FBXL13: variants seen among roughly 807,000 people sequenced by gnomAD.
The protein encoded by FBXL13 is F-box and leucine rich repeat protein 13.
Under a neutral mutation model 83.6 loss-of-function variants are expected in FBXL13, and 67 were observed. The observed-to-expected ratio is 0.80, with a 90% CI of 0.66 to 0.98. The LOEUF (loss-of-function observed/expected upper bound fraction) is 0.98. Ranked by LOEUF, FBXL13 falls within the 50% of genes least tolerant of loss-of-function variation. The probability of loss-of-function intolerance (pLI) is 0.00; values close to 1 mark genes in which losing one functional copy is unlikely to be tolerated. For synonymous variants in FBXL13, 272 were observed against 299.5 expected (o/e 0.91, Z 0.95); for missense variants, 822 against 866.5 (o/e 0.95, Z 0.64).
At chr7:102,901,775 T>A (rs1240005523) in intron 11 of FBXL13, among the ~76,000 whole-genome samples, 1 of 152,252 alleles carries the variant, frequency 6.6e-6, no homozygotes, top group Non-Finnish European at 1.5e-5. Flanking sequence ...CATGCTTTTT[T>A]ATGGCTGAAT....
At chr7:102,965,632 T>C (rs1290658391) in intron 7 of FBXL13, among the ~76,000 whole-genome samples, 1 of 152,246 alleles carries the variant, frequency 6.6e-6, no homozygotes, top group Non-Finnish European at 1.5e-5. Context: ...CTGGCGCTTA[T>C]GTACTATTTT....
intron 6 of FBXL13, chr7:102,988,939 G>A (rs1829283997): frequency 6.6e-6 from 1 of 152,166 alleles, no homozygotes; most frequent in South Asian, 2.1e-4. Context: ...AGGGTATGAA[G>A]AGATCCAGGC....
chr7:102,883,031 A>T (rs1345435723), intron 14 of FBXL13, among the ~76,000 whole-genome samples: 1 of 152,064 alleles, frequency 6.6e-6, no homozygotes, highest in Non-Finnish European at 1.5e-5. Flanking sequence ...AACCCTCAAT[A>T]GGAAAGGTAG....
chr7:102,865,044 C>A (rs1357076738), intron 16 of FBXL13, among the ~76,000 whole-genome samples: 1 of 152,154 alleles, frequency 6.6e-6, no homozygotes, highest in Non-Finnish European at 1.5e-5. Context: ...TACCTTGAGA[C>A]CAGTACTCTT....
chr7:102,981,851 T>C (rs1828268445), intron 6 of FBXL13, among the ~76,000 whole-genome samples: 1 of 152,188 alleles, frequency 6.6e-6, no homozygotes. Context: ...CGTCTGAGTT[T>C]TGCGGGACAT....
intron 8 of FBXL13, among the ~76,000 whole-genome samples, chr7:102,960,890 CAAA>C (rs1825083779): frequency 1.3e-5 from 2 of 151,964 alleles, no homozygotes; most frequent in Non-Finnish European, 2.9e-5. Context: ...ACTGAATGGG[CAAA>C]CACTGGAAGC....
intron 6 of FBXL13, chr7:102,975,879 C>T: frequency 1.4e-6 from 1 of 729,906 alleles, no homozygotes; most frequent in Non-Finnish European, 2.5e-6. Flanking sequence ...AAATGCTTGC[C>T]TCCTCCATCA....
intron 8 of FBXL13, chr7:102,933,876 C>G (rs922478968): frequency 2.6e-6 from 4 of 1,544,036 alleles, no homozygotes; most frequent in Admixed American, 4.0e-5. Flanking sequence ...ATTGTTCCGT[C>G]TGTAACACGA....
intron 6 of FBXL13, among the ~76,000 whole-genome samples, chr7:102,977,921 G>A (rs923362777): frequency 7.9e-5 from 12 of 152,106 alleles, no homozygotes; most frequent in Non-Finnish European, 1.3e-4. Flanking sequence ...CACAGGAAGG[G>A]GAACATCACA....
chr7:103,034,128 G>A (rs1377284373), intron 2 of FBXL13, among the ~76,000 whole-genome samples: 1 of 152,218 alleles, frequency 6.6e-6, no homozygotes, highest in Non-Finnish European at 1.5e-5. Context: ...CCCTTAGCTA[G>A]ACATAAAGGT....
chr7:103,040,665 T>A (rs900871321), intron 2 of FBXL13, among the ~76,000 whole-genome samples: 1 of 152,092 alleles, frequency 6.6e-6, no homozygotes, highest in African/African-American at 2.4e-5. Context: ...TCAGGATTAA[T>A]AAACTCACTC....
chr7:102,852,397 C>T (rs535780944), intron 17 of FBXL13, among the ~76,000 whole-genome samples: 1 of 152,034 alleles, frequency 6.6e-6, no homozygotes, highest in Non-Finnish European at 1.5e-5. Context: ...AGTAAACAGA[C>T]AATGCACAGA....
At chr7:102,967,279 T>C (rs1475854086) in intron 7 of FBXL13, among the ~76,000 whole-genome samples, 1 of 12,716 alleles carries the variant, frequency 7.9e-5, no homozygotes, top group Non-Finnish European at 4.6e-4. Context: ...TCTTTTTTTT[T>C]TTTTTTTGAA....
intron 2 of FBXL13, 29 bp from the exon 4 acceptor site, chr7:103,029,447 A>ATT: frequency 8.0e-7 from 1 of 1,255,844 alleles, no homozygotes; most frequent in Non-Finnish European, 1.1e-6. Context: ...TGAAATAACA[A>ATT]ATATTAGAAA....
chr7:102,878,000 G>C (rs1447407589), intron 15 of FBXL13, among the ~76,000 whole-genome samples: 1 of 152,010 alleles, frequency 6.6e-6, no homozygotes, highest in Non-Finnish European at 1.5e-5. Context: ...AACACCCCTT[G>C]GGAAATGCTG....
At chr7:103,025,557 C>A (rs148130232) in intron 5 of FBXL13, among the ~76,000 whole-genome samples, 1 of 152,154 alleles carries the variant, frequency 6.6e-6, no homozygotes, top group African/African-American at 2.4e-5. Context: ...GTAATTGGTG[C>A]ATGGAGTGAA....
intron 6 of FBXL13, among the ~76,000 whole-genome samples, chr7:103,009,322 C>T (rs1280116129): frequency 1.3e-5 from 2 of 152,010 alleles, no homozygotes; most frequent in African/African-American, 4.8e-5. Context: ...TGAGAAACCA[C>T]ATTCAATCCA....
At chr7:102,973,545 G>T (rs755309755) in intron 6 of FBXL13, 11 of 764,660 alleles carry the variant, frequency 1.4e-5, no homozygotes, top group Non-Finnish European at 1.9e-5. Context: ...TAAAACAGCA[G>T]GTTGCTCCAC....
chr7:102,826,755 A>ATATATATATATG (rs1799764756), intron 18 of FBXL13, among the ~76,000 whole-genome samples: 5 of 114,734 alleles, frequency 4.4e-5, no homozygotes, highest in Non-Finnish European at 7.0e-5. Context: ...ATATATATAT[A>ATATATATATATG]TATATATATA....
Sources: allele counts gnomAD v4.1 joint callset (sites outside exome capture counted in the v4.1 genomes callset), GRCh38; gene constraint gnomAD v4.1.1; transcripts MANE v1.5; gene names NCBI Gene and HGNC (gene_info 2026-07-23, HGNC 2026-07-21).